Variants in IFT43 observed in about 807,000 individuals in gnomAD.
The protein encoded by IFT43 is intraflagellar transport protein 43 homolog.
A neutral mutation model predicts 32.3 loss-of-function variants in IFT43; 33 were observed. That is an observed-to-expected ratio of 1.02 (90% CI 0.77 to 1.37). The LOEUF (loss-of-function observed/expected upper bound fraction) is 1.37, where lower values mean the gene tolerates loss of function less well. Ranked by LOEUF, IFT43 falls within the 40% of genes most tolerant of loss-of-function variation. The probability of loss-of-function intolerance (pLI) is 0.00; values close to 1 mark genes in which losing one functional copy is unlikely to be tolerated. For missense variants in IFT43, 274 were observed against 265.9 expected (o/e 1.03, Z -0.21); for synonymous variants, 93 against 98.2 (o/e 0.95, Z 0.31).
At chr14:76,022,303 C>CT in intron 2 of IFT43, 24 bp from the exon 3 acceptor site, 1 of 1,600,012 alleles carries the variant, frequency 6.2e-7, no homozygotes, top group East Asian at 2.2e-5. Context: ...TGAATGTGTT[C>CT]TTTTGACTTC....
chr14:75,988,915 G>T lies in IFT43; in HGVS notation c.85G>T (p.Glu29Ter). Residue 29 changes from glutamate (E) to a stop codon, truncating the protein, a stop_gained, in exon 2 of 9, where the codon GAG (glutamate) becomes TAG (stop). Transcript: ENST00000314067. LOFTEE classifies it high-confidence loss of function. ...CAAGATGGGTCGCCGAGCTCAACAG[G>T]AGTCAGCGCAGGCCGAGAATCACCT... ...RAKMGRRAQQ[E>*]SAQAENHLNG... The T allele has an allele frequency of 1.2e-6, 2 of 1,614,026 alleles. No homozygotes were observed. Among genetic ancestry groups the T allele is most frequent in the Non-Finnish European group, 1.7e-6 (2 of 1,180,006 alleles).
chr14:76,055,406 A>T (rs1366403366), intron 3 of IFT43, among the ~76,000 whole-genome samples: 1 of 152,102 alleles, frequency 6.6e-6, no homozygotes, highest in African/African-American at 2.4e-5. Flanking sequence ...GGGTATGTGT[A>T]TATATAAAAC....
intron 2 of IFT43, among the ~76,000 whole-genome samples, chr14:75,998,664 G>A (rs2035793770): frequency 6.6e-6 from 1 of 152,180 alleles, no homozygotes; most frequent in Admixed American, 6.5e-5. Flanking sequence ...TCCAGGAAGG[G>A]AAGGCCTGAG....
intron 4 of IFT43, chr14:76,059,062 C>G (rs1194936934): frequency 7.0e-6 from 10 of 1,426,796 alleles, no homozygotes; most frequent in Non-Finnish European, 9.1e-6. Flanking sequence ...GGTAGGGCCA[C>G]CCAGTTTCCT....
chr14:76,072,780 G>C (rs1374973850), intron 5 of IFT43, among the ~76,000 whole-genome samples: 1 of 152,084 alleles, frequency 6.6e-6, no homozygotes, highest in Non-Finnish European at 1.5e-5. Context: ...TAGAGATCAG[G>C]GTTTGTATGC....
chr14:76,028,665 A>G (rs1424587010), intron 3 of IFT43, among the ~76,000 whole-genome samples: 1 of 152,076 alleles, frequency 6.6e-6, no homozygotes. Flanking sequence ...CTATGTCTAT[A>G]TGTGCCCAGG....
chr14:76,080,101 C>T (rs371025325), intron 5 of IFT43, among the ~76,000 whole-genome samples: 23 of 152,294 alleles, frequency 1.5e-4, no homozygotes, highest in African/African-American at 5.1e-4. Context: ...TGCTGGGGGC[C>T]GGAGTTGGAT....
intron 5 of IFT43, among the ~76,000 whole-genome samples, chr14:76,067,257 GAA>G (rs1033489733): frequency 2.6e-5 from 4 of 152,148 alleles, no homozygotes; most frequent in African/African-American, 9.7e-5. Context: ...AGGCTTTCTA[GAA>G]AAGAGAAGAG....
At chr14:76,019,802 T>C (rs2036256667) in intron 2 of IFT43, among the ~76,000 whole-genome samples, 1 of 152,088 alleles carries the variant, frequency 6.6e-6, no homozygotes, top group Admixed American at 6.5e-5. Flanking sequence ...GTCCTCAAGT[T>C]CTGAAATTCT....
intron 4 of IFT43, chr14:76,059,058 G>A (rs1441752498): frequency 3.5e-6 from 5 of 1,425,888 alleles, no homozygotes; most frequent in Non-Finnish European, 2.7e-6. Context: ...TGAAGGTAGG[G>A]CCACCCAGTT....
At chr14:76,038,825 C>G (rs1321120757) in intron 3 of IFT43, among the ~76,000 whole-genome samples, 1 of 152,078 alleles carries the variant, frequency 6.6e-6, no homozygotes. Context: ...TTCATTTGTT[C>G]TGGTAGCTGG....
chr14:76,048,107 G>C (rs1212928613), intron 3 of IFT43, among the ~76,000 whole-genome samples: 1 of 152,184 alleles, frequency 6.6e-6, no homozygotes, highest in Non-Finnish European at 1.5e-5. Context: ...AATAGAATGT[G>C]CCTCTCGTTC....
At chr14:76,063,184 C>T (rs566488961) in intron 5 of IFT43, among the ~76,000 whole-genome samples, 2 of 152,256 alleles carry the variant, frequency 1.3e-5, no homozygotes, top group Admixed American at 1.3e-4. Flanking sequence ...TTAGCTCACA[C>T]CTTTTCAGTA....
At chr14:75,985,951 G>T (rs2035514077) in intron 1 of IFT43, 111 bp downstream of exon 1, 2 of 1,539,874 alleles carry the variant, frequency 1.3e-6, no homozygotes, top group Non-Finnish European at 1.7e-6. Context: ...CTCGCGCCGC[G>T]CCGGGTGAGG....
At chr14:75,989,731 C>A (rs373531042) in intron 2 of IFT43, among the ~76,000 whole-genome samples, 1 of 152,118 alleles carries the variant, frequency 6.6e-6, no homozygotes, top group Non-Finnish European at 1.5e-5. Context: ...TCTCCCCCAC[C>A]GGACAGTGAG....
chr14:76,008,422 G>A (rs1242059417), intron 2 of IFT43, among the ~76,000 whole-genome samples: 1 of 151,984 alleles, frequency 6.6e-6, no homozygotes, highest in African/African-American at 2.4e-5. Flanking sequence ...TATTTATGAG[G>A]AGTCTACTCT....
intron 2 of IFT43, among the ~76,000 whole-genome samples, chr14:76,010,214 T>C (rs999698690): frequency 5.9e-5 from 9 of 152,204 alleles, no homozygotes; most frequent in African/African-American, 1.4e-4. Context: ...CCTTCCTCCG[T>C]CACCTGTAGT....
chr14:76,082,418 C>A, intron 6 of IFT43, 51 bp downstream of exon 6: 1 of 1,253,116 alleles, frequency 8.0e-7, no homozygotes. Context: ...TGAATTAATA[C>A]ACTCCAGATA....
intron 1 of IFT43, among the ~76,000 whole-genome samples, chr14:75,987,768 C>G (rs889188451): frequency 1.3e-5 from 2 of 152,150 alleles, no homozygotes; most frequent in Non-Finnish European, 2.9e-5. Flanking sequence ...GAGTCTCCAC[C>G]GGAGGGCCTT....
Sources: allele counts gnomAD v4.1 joint callset (sites outside exome capture counted in the v4.1 genomes callset), GRCh38; gene constraint gnomAD v4.1.1; transcripts MANE v1.5; gene names NCBI Gene and HGNC (gene_info 2026-07-23, HGNC 2026-07-21).